Variants in RPS6KA2 observed in about 807,000 individuals in gnomAD.
The protein encoded by RPS6KA2 is ribosomal protein S6 kinase alpha-2.
A neutral mutation model predicts 91.8 loss-of-function variants in RPS6KA2; 42 were observed. The observed-to-expected ratio is 0.46, with a 90% CI of 0.36 to 0.59. The LOEUF (loss-of-function observed/expected upper bound fraction) is 0.59, where lower values mean the gene tolerates loss of function less well. RPS6KA2 is among the 20% of genes least tolerant of loss of function. The pLI, the probability that RPS6KA2 is intolerant of heterozygous loss-of-function variation, is 0.00. For missense variants in RPS6KA2, 798 were observed against 978.5 expected, an observed-to-expected ratio of 0.82 and a Z score of 2.46; for synonymous variants, 414 against 393.6, an observed-to-expected ratio of 1.05 and a Z score of -0.61.
intron 2 of RPS6KA2, among the ~76,000 whole-genome samples, chr6:166,652,282 G>A (rs929391407): frequency 3.0e-4 from 46 of 152,118 alleles, no homozygotes; most frequent in African/African-American, 9.9e-4. Flanking sequence ...TTATATTCTG[G>A]TTTTATTTCC....
rs1181442548 is a variant in RPS6KA2 at position 166,412,933 on chromosome 6, G to A, written c.2077-46C>T. Reference sequence around the variant, plus strand: ...GTGAGAGCCGCGGCGCCTCACTCCAGGGGTTGAGCCGGAGCCCGGGGCCTC... The same window carrying A: ...GTGAGAGCCGCGGCGCCTCACTCCAAGGGTTGAGCCGGAGCCCGGGGCCTC... On this transcript the variant is annotated intron_variant, in intron 20 of 20. Transcript: ENST00000265678. The surrounding 1 kb of genome is among the most constrained non-coding windows in gnomAD (Gnocchi z 4.3). 7 of 1,517,160 alleles carry A rather than the reference G, an allele frequency of 4.6e-6. No individual in the cohort carries two copies. The highest frequency in any genetic ancestry group is 6.2e-6 in the Non-Finnish European group (7 of 1,128,148). The allele number at this position is 1,517,160 out of a possible 1,614,324, so 94.0% of individuals were successfully genotyped here.
In RPS6KA2 at chr6:166,554,394, C is replaced by G. The variant is rs1227975938; in HGVS notation, c.100-15610G>C. 6.6e-6 allele frequency among the ~76,000 whole-genome samples: 1 copy of G among 152,194 alleles called. No homozygotes were observed. The highest frequency in any genetic ancestry group is 1.5e-5 in the Non-Finnish European group (1 of 68,028). On this transcript the variant is annotated intron_variant, in intron 1 of 20. Transcript: ENST00000265678. This position sits in a 1 kb window ranked among gnomAD's most constrained non-coding sequence, Gnocchi z 4.3. ...ATGTGATATAAAGCTTAACCTGCCT[C>G]CTTTTGTTGTAAACATTGGATGCAA...
intron 3 of RPS6KA2, among the ~76,000 whole-genome samples, chr6:166,526,138 G>A (rs896962384): frequency 8.5e-5 from 13 of 152,058 alleles, no homozygotes; most frequent in Admixed American, 1.3e-4. Context: ...AGTATGCAAA[G>A]TATTATTTGC....
intron 2 of RPS6KA2, among the ~76,000 whole-genome samples, chr6:166,723,392 C>T (rs1336735641): frequency 6.6e-6 from 1 of 151,974 alleles, no homozygotes; most frequent in Non-Finnish European, 1.5e-5. Context: ...ACGTGTGCAC[C>T]GCCTTCCTTA....
intron 1 of RPS6KA2, among the ~76,000 whole-genome samples, chr6:166,576,457 A>G (rs899809741): frequency 2.0e-5 from 3 of 152,206 alleles, no homozygotes; most frequent in African/African-American, 7.2e-5. Context: ...CGTAGACAAT[A>G]AAGTTCAGAC....
chr6:166,487,385 A>G (rs1440071744), intron 10 of RPS6KA2, among the ~76,000 whole-genome samples: 1 of 152,138 alleles, frequency 6.6e-6, no homozygotes, highest in African/African-American at 2.4e-5. Flanking sequence ...TCACTGTGTC[A>G]CCTGCTCTCC....
At chr6:166,633,072 T>C (rs1254941881) in intron 2 of RPS6KA2, among the ~76,000 whole-genome samples, 1 of 152,052 alleles carries the variant, frequency 6.6e-6, no homozygotes, top group East Asian at 1.9e-4. Context: ...ATACAAAAAT[T>C]AGTTGGATGT....
intron 1 of RPS6KA2, among the ~76,000 whole-genome samples, chr6:166,618,790 T>C (rs1332311084): frequency 6.6e-6 from 1 of 152,210 alleles, no homozygotes; most frequent in Non-Finnish European, 1.5e-5. Context: ...TTTTAGCAGG[T>C]CACACTCCCT....
In RPS6KA2 at chr6:166,828,718, A is replaced by G. The variant is rs539044470; in HGVS notation, c.123+29482T>C. Among the ~76,000 whole-genome samples the G allele has an allele frequency of 5.3e-5, 8 of 152,350 alleles. No homozygotes were observed. The East Asian group carries it at 1.5e-3, about 29-fold the overall frequency. On this transcript the variant is annotated intron_variant, in intron 2 of 21. Transcript: ENST00000503859. The stretch of plus-strand genomic sequence containing the variant: ...CCTAAATGTAAGACCTACAACTATA[A>G]CACTCTTAGAAGAAAAGATGAGAAA...
chr6:166,440,714 A>C (rs1435680112), intron 14 of RPS6KA2, among the ~76,000 whole-genome samples: 1 of 152,226 alleles, frequency 6.6e-6, no homozygotes, highest in African/African-American at 2.4e-5. Flanking sequence ...TGTAAATGGA[A>C]ATGCCACTAC....
chr6:166,418,305 CA>C lies in RPS6KA2; in HGVS notation c.1857del (p.Glu620ArgfsTer42). 1.2e-6 allele frequency: 2 copies of C among 1,613,990 alleles called. No homozygotes were observed. The highest frequency in any genetic ancestry group is 1.7e-6 in the Non-Finnish European group (2 of 1,179,970). ...CTGCCGATCCGCGCCAGAATCTCCT[CA>C]GGGGTATCGTCTGGCCCATTTGCAA... ...TPFANGPDDT[P>X]EEILARIGSG... On this transcript the variant is annotated frameshift_variant, in exon 19 of 21. Coordinates refer to ENST00000265678, the MANE Select transcript of RPS6KA2 (RefSeq NM_021135.6). LOFTEE classifies it high-confidence loss of function. The surrounding 1 kb of genome is among the most constrained non-coding windows in gnomAD (Gnocchi z 4.9).
intron 2 of RPS6KA2, among the ~76,000 whole-genome samples, chr6:166,747,028 G>A (rs1325903365): frequency 6.6e-6 from 1 of 152,240 alleles, no homozygotes. Flanking sequence ...TCCTCCGGCT[G>A]TTCAGTAATC....
At chr6:166,840,697 G>C (rs994147959) in intron 2 of RPS6KA2, among the ~76,000 whole-genome samples, 28 of 152,208 alleles carry the variant, frequency 1.8e-4, no homozygotes, top group African/African-American at 6.8e-4. Context: ...GCTGGGCCGG[G>C]CGTGGTGGCT....
At chr6:166,489,696 G>A (rs543681252) in intron 9 of RPS6KA2, among the ~76,000 whole-genome samples, 4 of 152,204 alleles carry the variant, frequency 2.6e-5, no homozygotes, top group Admixed American at 6.5e-5. Flanking sequence ...TCCCTTGATG[G>A]AGGAAAAGGC....
At chr6:166,752,198 G>A (rs745923154) in intron 2 of RPS6KA2, among the ~76,000 whole-genome samples, 1 of 152,204 alleles carries the variant, frequency 6.6e-6, no homozygotes, top group African/African-American at 2.4e-5. Context: ...CAGATGGGCC[G>A]GCCTAGCCAA....
chr6:166,715,585 C>T (rs183008638), intron 2 of RPS6KA2, among the ~76,000 whole-genome samples: 33 of 152,330 alleles, frequency 2.2e-4, no homozygotes, highest in Admixed American at 1.9e-3. Context: ...CTGAGAAAGG[C>T]GTCATTAGGT....
In RPS6KA2 at chr6:166,647,182, C is replaced by T. The variant is rs113992323; in HGVS notation, c.124-108398G>A. Among the ~76,000 whole-genome samples the T allele has an allele frequency of 8.6e-3, 1,301 of 152,004 alleles. 25 individuals carry two copies. Among genetic ancestry groups the T allele is most frequent in the South Asian group, 0.064 (306 of 4,816 alleles). ...CTCCTATTTTTTTTTTAACTCTAAA[C>T]CACTCAGTAAATGACACTGATGTCA... On this transcript the variant is annotated intron_variant, in intron 2 of 21. Coordinates refer to the RPS6KA2 transcript ENST00000503859.
chr6:166,455,105 C>T (rs1780054467), intron 12 of RPS6KA2, among the ~76,000 whole-genome samples: 1 of 152,128 alleles, frequency 6.6e-6, no homozygotes, highest in South Asian at 2.1e-4. Flanking sequence ...GCCTTTGTCT[C>T]TCAGCACTTC....
chr6:166,607,964 C>T (rs747518179), intron 1 of RPS6KA2, among the ~76,000 whole-genome samples: 9 of 151,460 alleles, frequency 5.9e-5, no homozygotes, highest in Non-Finnish European at 1.2e-4. Flanking sequence ...GAGCCATGAT[C>T]GTGCCCCTGC....
Sources: gnomAD v4.1 joint callset for allele counts (sites outside exome capture counted in the v4.1 genomes callset) on GRCh38, gnomAD v4.1.1 for gene constraint, Gnocchi (gnomAD v3.1) non-coding constraint, MANE v1.5 for transcripts, NCBI Gene and HGNC (gene_info 2026-07-23, HGNC 2026-07-21) for gene names.